Variants in TJP1 observed in about 807,000 individuals in gnomAD.
TJP1 encodes tight junction protein 1.
In TJP1, 43 loss-of-function variants were observed where a neutral mutation model predicts 194.2. The observed-to-expected ratio is 0.22, with a 90% CI of 0.17 to 0.29. TJP1 has a LOEUF of 0.29. Among genes scored for constraint, TJP1 ranks in the 10% least tolerant of loss-of-function variants. TJP1 has a pLI of 1.00. For missense variants in TJP1, 1,971 were observed against 2,185.7 expected (o/e 0.90, Z 1.96); for synonymous variants, 801 against 779.0 (o/e 1.03, Z -0.47).
chr15:29,710,855 G>C lies in TJP1; in HGVS notation c.4348C>G (p.His1450Asp). The C allele has an allele frequency of 6.2e-7, 1 of 1,614,098 alleles. No homozygotes were observed. Among genetic ancestry groups the C allele is most frequent in the South Asian group, 1.1e-5 (1 of 91,074 alleles). Residue 1450 changes from histidine (H) to aspartate (D), a missense_variant, in exon 24 of 28, where the codon CAT (histidine) becomes GAT (aspartate). Physicochemically the swap from His to Asp is moderately conservative, Grantham distance 81 (BLOSUM62 -1). Around this residue, in one of 5 missense-constraint regions of TJP1, gnomAD observed 1,108 missense variants for 1,128.5 expected, o/e 0.98. Transcript: ENST00000614355. ...CCTTCACCATGTGCTCCCTTAGAAT[G>C]TATGTGGAGAGACGCGCTGGTGACA... is the stretch of plus-strand genomic sequence containing the variant. ...QPVTSASLHI[H>D]SKGAHGEGNS...
chr15:29,881,841 A>C (rs1190417148), intron 2 of TJP1, among the ~76,000 whole-genome samples: 1 of 151,950 alleles, frequency 6.6e-6, no homozygotes, highest in Non-Finnish European at 1.5e-5. Context: ...ACCTATATAC[A>C]CCAGTCCTAA....
rs1304157065 is a variant in TJP1, at chr15:29,737,323, C to T, written c.1348G>A (p.Val450Ile). ...TTGGCTGCAGGGCTATCTTCTAGAA[C>T]GCCAGCTACAAATATTCCAACATCA... is the stretch of plus-strand genomic sequence containing the variant. ...GNDVGIFVAG[V>I]LEDSPAAKEG... The change falls in exon 11 of 28, where the codon GTT becomes ATT. Residue 450 changes from valine to isoleucine, a missense_variant. This residue lies in a region of TJP1 where 24 missense variants were observed against 54.2 expected (regional missense o/e 0.44). Coordinates refer to ENST00000614355, the MANE Select transcript of TJP1 (RefSeq NM_001330239.4). 20 of 1,614,202 alleles carry T rather than the reference C, an allele frequency of 1.2e-5. No individual in the cohort carries two copies. The highest frequency in any genetic ancestry group is 2.2e-5 in the East Asian group (1 of 44,876).
At chr15:29,842,615 G>A (rs193052737) in intron 2 of TJP1, among the ~76,000 whole-genome samples, 10 of 152,230 alleles carry the variant, frequency 6.6e-5, no homozygotes, top group East Asian at 3.9e-4. Context: ...CAGTGGCCCC[G>A]CGCCAGGAAT....
intron 1 of TJP1, among the ~76,000 whole-genome samples, chr15:29,963,874 G>C (rs1281923454): frequency 1.3e-5 from 2 of 152,056 alleles, no homozygotes; most frequent in Non-Finnish European, 2.9e-5. Flanking sequence ...GGATGGTCTC[G>C]ATCTCTTGAC....
intron 2 of TJP1, among the ~76,000 whole-genome samples, chr15:29,857,422 G>A (rs1476601615): frequency 6.6e-6 from 1 of 152,074 alleles, no homozygotes; most frequent in East Asian, 1.9e-4. Flanking sequence ...GCCTACGTAT[G>A]TAGTAGACAC....
intron 8 of TJP1, chr15:29,759,173 CCT>C (rs1425025552): frequency 6.6e-6 from 1 of 152,158 alleles, no homozygotes; most frequent in Admixed American, 6.5e-5. Flanking sequence ...GAACGTGCTC[CCT>C]GTTATCCAGT....
At chr15:29,780,934 A>T in intron 2 of TJP1, among the ~76,000 whole-genome samples, 1 of 152,158 alleles carries the variant, frequency 6.6e-6, no homozygotes, top group African/African-American at 2.4e-5. Flanking sequence ...CAACAAAAAG[A>T]ACTATAGGAA....
intron 2 of TJP1, among the ~76,000 whole-genome samples, chr15:29,776,979 A>G (rs1567005486): frequency 6.6e-6 from 1 of 152,128 alleles, no homozygotes; most frequent in Non-Finnish European, 1.5e-5. Context: ...ATAACCATAC[A>G]TTCCTTCAAG....
At chr15:29,897,854 T>TGTG in intron 2 of TJP1, among the ~76,000 whole-genome samples, 1 of 152,336 alleles carries the variant, frequency 6.6e-6, no homozygotes, top group Non-Finnish European at 1.5e-5. Context: ...CAGCTGTATT[T>TGTG]ACCCGATGCT....
rs576693660 is a variant in TJP1, at chr15:29,855,992, CA to C, written c.307-55291del. Reference sequence around the variant, plus strand: ...CATACAGCTGCACGAAGCATATGTCCATATAGGAACTTGTATGCAAACATTC... The same window carrying C: ...CATACAGCTGCACGAAGCATATGTCCTATAGGAACTTGTATGCAAACATTC... On this transcript the variant is annotated intron_variant, in intron 2 of 28. Coordinates refer to the TJP1 transcript ENST00000356107. Among the ~76,000 whole-genome samples the C allele has an allele frequency of 3.3e-3, 509 of 152,270 alleles. 5 individuals are homozygous for C. The highest frequency in any genetic ancestry group is 0.012 in the African/African-American group (486 of 41,556).
At position 29,869,795 on chromosome 15, in the gene TJP1, C is replaced by A. The variant is rs28613043; in HGVS notation, c.307-69093G>T. On this transcript the variant is annotated intron_variant, in intron 2 of 28. Coordinates refer to the TJP1 transcript ENST00000356107. ...TTCCCCTGTCTTTCTTTCTTTCTTT[C>A]TTTTTTTTTTTTTTTTTTTTTTTTT... 6.4e-4 allele frequency among the ~76,000 whole-genome samples: 36 copies of A among 56,060 alleles called. 1 individual carries two copies. In the East Asian group the frequency reaches 0.019, roughly 30 times the overall value. The allele number at this position is 56,060 out of a possible 152,430, so 36.8% of individuals were successfully genotyped here.
rs71416442 is a variant in TJP1, at chr15:29,953,140, A to ATTTTTTTTTT, written c.306+3082_306+3091dup. On this transcript the variant is annotated intron_variant, in intron 2 of 28. Coordinates refer to the TJP1 transcript ENST00000356107. The stretch of plus-strand genomic sequence containing the variant: ...TTCCTTCTTTCATAAAAGAAGACAG[A>ATTTTTTTTTT]TTTTTTTTTTTTTTTTTTTGCAACG... Among the ~76,000 whole-genome samples the ATTTTTTTTTT allele has an allele frequency of 2.7e-3, 295 of 110,952 alleles. 29 individuals are homozygous for ATTTTTTTTTT. Among genetic ancestry groups the ATTTTTTTTTT allele is most frequent in the Middle Eastern group, 5.7e-3 (1 of 176 alleles). 72.8% of individuals were successfully genotyped at this position (110,952 alleles called of 152,430 possible).
chr15:29,871,145 C>T (rs567542486), intron 2 of TJP1, among the ~76,000 whole-genome samples: 13 of 152,328 alleles, frequency 8.5e-5, no homozygotes, highest in South Asian at 2.1e-4. Context: ...CACTTAGAGA[C>T]GGTAACAGAA....
chr15:29,797,906 C>G (rs2048520559), intron 2 of TJP1, among the ~76,000 whole-genome samples: 1 of 152,146 alleles, frequency 6.6e-6, no homozygotes, highest in Non-Finnish European at 1.5e-5. Flanking sequence ...GATATATGGA[C>G]AACAAATGAG....
At chr15:29,704,899 G>A (rs1023961998) in intron 26 of TJP1, among the ~76,000 whole-genome samples, 4 of 152,160 alleles carry the variant, frequency 2.6e-5, no homozygotes, top group African/African-American at 7.2e-5. Flanking sequence ...CAGTATTCCG[G>A]CAAAATACAA....
Position 29,701,536 on chromosome 15 carries a change from T to C in TJP1, c.*59A>G. ...AAAGGTATAATACTTGATAGAGTGG[T>C]TCCATTTAGATTAAGTTTAATCCAG... On this transcript the variant is annotated 3_prime_UTR_variant, in exon 28 of 28. Coordinates refer to ENST00000614355, the MANE Select transcript of TJP1 (RefSeq NM_001330239.4). 7.2e-7 allele frequency: 1 copy of C among 1,385,304 alleles called. No homozygotes were observed. The highest frequency in any genetic ancestry group is 1.2e-5 in the South Asian group (1 of 84,694). The allele number at this position is 1,385,304 out of a possible 1,614,324, so 85.8% of individuals were successfully genotyped here.
In TJP1 at chr15:29,800,647, C is replaced by T. The variant is rs2048721886; in HGVS notation, c.83G>A (p.Arg28Lys). ...TTACTTACTGCAACACAAACTTACC[C>T]TGTGAAGCGTCACTGTATGTTGTTC... ...IWEQHTVTLHRAPGFGFGIAI... is the reference protein window; with the variant it reads ...IWEQHTVTLHKAPGFGFGIAI... The change falls in exon 2 of 28, where the codon AGG becomes AAG. Residue 28 changes from arginine (R) to lysine (K), a missense_variant and splice_region_variant. By Grantham distance (26) the Arg-to-Lys change is conservative. Transcript: ENST00000614355. The T allele has an allele frequency of 6.2e-7, 1 of 1,613,798 alleles. No individual in the cohort carries two copies. Among genetic ancestry groups the T allele is most frequent in the African/African-American group, 1.3e-5 (1 of 74,914 alleles).
At chr15:29,953,865 G>A (rs2055846332) in intron 2 of TJP1, among the ~76,000 whole-genome samples, 1 of 152,160 alleles carries the variant, frequency 6.6e-6, no homozygotes, top group Non-Finnish European at 1.5e-5. Context: ...GCTTTTCAAT[G>A]CACTCTTCAG....
intron 2 of TJP1, among the ~76,000 whole-genome samples, chr15:29,928,921 G>A (rs541416903): frequency 5.9e-5 from 9 of 151,614 alleles, no homozygotes; most frequent in South Asian, 2.1e-4. Context: ...CAGCCTGGGC[G>A]ACAGAATGAG....
Sources: allele counts gnomAD v4.1 joint callset (sites outside exome capture counted in the v4.1 genomes callset), GRCh38; gene constraint gnomAD v4.1.1; regional missense constraint gnomAD v4.1.1; transcripts MANE v1.5; gene names NCBI Gene and HGNC (gene_info 2026-07-23, HGNC 2026-07-21).